Variants in NATD1 observed in about 807,000 individuals in gnomAD.
The protein encoded by NATD1 is N-acetyltransferase domain containing 1.
NATD1 carries 9 observed loss-of-function variants against 12.0 expected under a neutral mutation model. The ratio of observed to expected loss-of-function variants is 0.75; its 90% CI spans 0.45 to 1.30. NATD1 has a LOEUF of 1.30. Ranked by LOEUF, NATD1 falls within the 50% of genes most tolerant of loss-of-function variation. The pLI is 0.00. For missense variants in NATD1, 148 were observed against 148.5 expected (o/e 1.00, Z 0.02); for synonymous variants, 71 against 65.9 (o/e 1.08, Z -0.37).
intron 1 of NATD1, among the ~76,000 whole-genome samples, chr17:21,247,393 C>G (rs546765265): frequency 1.2e-4 from 19 of 152,196 alleles, no homozygotes; most frequent in Non-Finnish European, 2.4e-4. Flanking sequence ...CAGGAGACAG[C>G]AGGACAGAAG....
intron 1 of NATD1, among the ~76,000 whole-genome samples, chr17:21,252,400 C>A (rs1975385098): frequency 6.6e-6 from 1 of 152,370 alleles, no homozygotes; most frequent in Non-Finnish European, 1.5e-5. Context: ...CCAGCACTTA[C>A]TAATCCCCCA....
At position 21,252,730 on chromosome 17, in the gene NATD1, A is replaced by C. The variant is rs527625616; in HGVS notation, c.106+429T>G. On this transcript the variant is annotated intron_variant, in intron 1 of 2. Transcript: ENST00000611551. ...GAAGGGGACAGGTCACGGCTGACCA[A>C]CTTTCCAGGATCTCAAACAGGAGCC... 5.9e-5 allele frequency among the ~76,000 whole-genome samples: 9 copies of C among 152,262 alleles called. No individual in the cohort carries two copies. In the South Asian group the frequency reaches 1.9e-3, roughly 32 times the overall value.
At chr17:21,249,630 G>GA (rs376393133) in intron 1 of NATD1, among the ~76,000 whole-genome samples, 12 of 152,200 alleles carry the variant, frequency 7.9e-5, no homozygotes, top group African/African-American at 2.9e-4. Flanking sequence ...GGTTAGGGAG[G>GA]ACGCAGAAAG....
intron 1 of NATD1, among the ~76,000 whole-genome samples, chr17:21,250,930 G>C (rs1975369262): frequency 6.6e-6 from 1 of 152,226 alleles, no homozygotes; most frequent in African/African-American, 2.4e-5. Context: ...CTCCAGGCTT[G>C]CCTTACAGGT....
At chr17:21,251,237 C>T (rs562358508) in intron 1 of NATD1, among the ~76,000 whole-genome samples, 4 of 149,396 alleles carry the variant, frequency 2.7e-5, no homozygotes, top group African/African-American at 7.4e-5. Flanking sequence ...GCCCTGACCA[C>T]GGCCAGCTCT....
At position 21,253,346 on chromosome 17, in the gene NATD1, G is replaced by A; in HGVS notation, c.-82C>T. ...CAGGCGCGCGGCGGGGCTGGAGCGC[G>A]GGCGCAGGCGGCAGGCGGTGGGGTA... On this transcript the variant is annotated 5_prime_UTR_variant, in exon 1 of 3. Transcript: ENST00000611551. 1 of 530,958 alleles carries A rather than the reference G, an allele frequency of 1.9e-6. No individual in the cohort carries two copies. Among genetic ancestry groups the A allele is most frequent in the Non-Finnish European group, 2.4e-6 (1 of 415,764 alleles). The allele number at this position is 530,958 out of a possible 1,614,324, so 32.9% of individuals were successfully genotyped here.
At position 21,240,002 on chromosome 17, in the gene NATD1, T is replaced by C. The variant is rs1378544752; in HGVS notation, c.*3311A>G. ...TTTCCTTGATGGGCATGTGTTATCA[T>C]GAGGCTGGGCCTCACCTCCCTGCAT... On this transcript the variant is annotated 3_prime_UTR_variant, in exon 3 of 3. Coordinates refer to ENST00000611551, the MANE Select transcript of NATD1 (RefSeq NM_152914.3). 2 of 152,302 alleles carry C rather than the reference T, an allele frequency of 1.3e-5. No individual in the cohort carries two copies. The highest frequency in any genetic ancestry group is 2.4e-5 in the African/African-American group (1 of 41,472). 9.4% of individuals were successfully genotyped at this position (152,302 alleles called of 1,614,324 possible).
chr17:21,244,231 G>T lies in NATD1; in HGVS notation c.107-7C>A. The T allele has an allele frequency of 6.2e-7, 1 of 1,609,230 alleles. No homozygotes were observed. The highest frequency in any genetic ancestry group is 8.5e-7 in the Non-Finnish European group (1 of 1,177,640). ...ACGGCCCGGTCATGACATCCTGGGG[G>T]TTGTGGAGACAGGTAAGCCTATGCT... On this transcript the variant is annotated splice_polypyrimidine_tract_variant and splice_region_variant and intron_variant, in intron 1 of 2. Transcript: ENST00000611551. The surrounding 1 kb of genome is among the most constrained non-coding windows in gnomAD (Gnocchi z 5.2).
chr17:21,243,299 CCTGCAGGCCAGGGTTACGG>C lies in NATD1; in HGVS notation c.337_*13del. ...AAGAGTCCGGCAGGGAGCGCTCCCG[CCTGCAGGCCAGGGTTACGG>C]CTGCAGGCGCTCCAGGTACTGCGGC... On this transcript the variant is annotated stop_lost and 3_prime_UTR_variant, in exon 3 of 3. Transcript: ENST00000611551. The C allele has an allele frequency of 6.2e-7, 1 of 1,608,432 alleles. No homozygotes were observed. The highest frequency in any genetic ancestry group is 8.5e-7 in the Non-Finnish European group (1 of 1,178,232).
At chr17:21,245,333 A>G (rs1975316079) in intron 1 of NATD1, among the ~76,000 whole-genome samples, 7 of 152,188 alleles carry the variant, frequency 4.6e-5, no homozygotes, top group Non-Finnish European at 1.0e-4. Context: ...GAAGGCCCTC[A>G]GCAAAGGGAC....
intron 2 of NATD1, 89 bp from the exon 3 acceptor site, chr17:21,243,518 C>A: frequency 2.0e-6 from 2 of 982,376 alleles, no homozygotes; most frequent in South Asian, 1.4e-5. Context: ...GCCCGGCTCC[C>A]TGGCCACCCT....
In NATD1 at chr17:21,243,070, G is replaced by A. The variant is rs113212583; in HGVS notation, c.*243C>T. The stretch of plus-strand genomic sequence containing the variant: ...TGACCCACAGGCCTCCCACGAAGCC[G>A]CTGGTCTCTGCAGAGTGAGAGGTGC... On this transcript the variant is annotated 3_prime_UTR_variant, in exon 3 of 3. Transcript: ENST00000611551. The A allele has an allele frequency of 0.015, 6,701 of 434,312 alleles. 67 individuals carry two copies. Among genetic ancestry groups the A allele is most frequent in the Non-Finnish European group, 0.02 (4,701 of 237,104 alleles). 26.9% of individuals were successfully genotyped at this position (434,312 alleles called of 1,614,324 possible). A position where few individuals can be genotyped will look rare whatever the true frequency, so the allele number is the denominator to read the frequency against.
At chr17:21,252,630 C>A (rs1357615355) in intron 1 of NATD1, among the ~76,000 whole-genome samples, 1 of 152,080 alleles carries the variant, frequency 6.6e-6, no homozygotes, top group African/African-American at 2.4e-5. Context: ...CGCGGTCAGC[C>A]CCAGGTCCGC....
chr17:21,239,155 A>C lies in NATD1; in HGVS notation c.*4158T>G, dbSNP rs1435600539. On this transcript the variant is annotated 3_prime_UTR_variant, in exon 3 of 3. Coordinates refer to ENST00000611551, the MANE Select transcript of NATD1 (RefSeq NM_152914.3). ...GGGCTCCATGAATATTCCTGCCTGC[A>C]ACCCCAGCTTCACAGGCAATTCAGC... 6.6e-6 allele frequency: 1 copy of C among 152,204 alleles called. No homozygotes were observed. The highest frequency in any genetic ancestry group is 2.4e-5 in the African/African-American group (1 of 41,440). The allele number at this position is 152,204 out of a possible 1,614,324, so 9.4% of individuals were successfully genotyped here.
In NATD1 at chr17:21,251,808, C is replaced by T. The variant is rs543546966; in HGVS notation, c.106+1351G>A. Among the ~76,000 whole-genome samples the T allele has an allele frequency of 1.5e-4, 23 of 152,322 alleles. No homozygotes were observed. In the South Asian group the frequency reaches 4.8e-3, roughly 32 times the overall value. Reference sequence around the variant, plus strand: ...AGTCAGGACGCCATCCCAGCTCTGCCCAACTCTCAGCCTGACCTCTCGCAA... The same window carrying T: ...AGTCAGGACGCCATCCCAGCTCTGCTCAACTCTCAGCCTGACCTCTCGCAA... On this transcript the variant is annotated intron_variant, in intron 1 of 2. Transcript: ENST00000611551.
intron 1 of NATD1, among the ~76,000 whole-genome samples, chr17:21,247,430 C>T (rs988903284): frequency 6.6e-6 from 1 of 152,158 alleles, no homozygotes; most frequent in African/African-American, 2.4e-5. Context: ...GTGTGCAGCC[C>T]CAGCACAGGG....
In NATD1 at chr17:21,243,953, G is replaced by C. The variant is rs145423578; in HGVS notation, c.225+153C>G. 1.8e-3 allele frequency among the ~76,000 whole-genome samples: 274 copies of C among 152,298 alleles called. 1 individual carries two copies. Among genetic ancestry groups the C allele is most frequent in the African/African-American group, 6.1e-3 (252 of 41,552 alleles). ...GCCACGCCAGGGTCTTGCAGAACAG[G>C]AGCCTGGGCCCAGAAAGGCGGCCAC... On this transcript the variant is annotated intron_variant, in intron 2 of 2. Transcript: ENST00000611551.
rs1010845408 is a variant in NATD1, at chr17:21,248,946, C to A, written c.106+4213G>T. ...GGGCCTGAGAACCCCACCAGCATCA[C>A]GTGACTGGTTTGGGAAAAGTTAAAG... On this transcript the variant is annotated intron_variant, in intron 1 of 2. Coordinates refer to ENST00000611551, the MANE Select transcript of NATD1 (RefSeq NM_152914.3). Among the ~76,000 whole-genome samples, 3 of 152,138 alleles carry A rather than the reference C, an allele frequency of 2.0e-5. No homozygotes were observed. In the South Asian group the frequency reaches 6.2e-4, roughly 32 times the overall value.
intron 1 of NATD1, among the ~76,000 whole-genome samples, chr17:21,250,667 C>T (rs1975367032): frequency 6.6e-6 from 1 of 152,176 alleles, no homozygotes; most frequent in Non-Finnish European, 1.5e-5. Flanking sequence ...AATGCAGTTT[C>T]CCCTCTCCCT....
Sources: gnomAD v4.1 joint callset for allele counts (sites outside exome capture counted in the v4.1 genomes callset) on GRCh38, gnomAD v4.1.1 for gene constraint, Gnocchi (gnomAD v3.1) non-coding constraint, MANE v1.5 for transcripts, NCBI Gene and HGNC (gene_info 2026-07-23, HGNC 2026-07-21) for gene names.